TMEM132C: variants seen among roughly 807,000 people sequenced by gnomAD.
The protein encoded by TMEM132C is protein phosphatase 1, regulatory subunit 152.
TMEM132C carries 29 observed loss-of-function variants against 61.4 expected under a neutral mutation model. The observed-to-expected ratio is 0.47, with a 90% CI of 0.35 to 0.64. The LOEUF is 0.64. Ranked by LOEUF, TMEM132C falls within the 30% of genes least tolerant of loss-of-function variation. The pLI is 0.00. For synonymous variants in TMEM132C, 656 were observed against 633.1 expected (o/e 1.04, Z -0.54); for missense variants, 1,408 against 1,476.9 (o/e 0.95, Z 0.76).
chr12:128,392,405 G>GAAAA (rs1874797011), intron 1 of TMEM132C, among the ~76,000 whole-genome samples: 1 of 152,202 alleles, frequency 6.6e-6, no homozygotes, highest in Non-Finnish European at 1.5e-5. Flanking sequence ...TTGAGTGTGA[G>GAAAA]AGAGCCTGAC....
rs192008479 is a variant in TMEM132C at position 128,319,955 on chromosome 12, G to A, written c.85+52468G>A. Among the ~76,000 whole-genome samples the A allele has an allele frequency of 6.9e-3, 1,053 of 152,192 alleles. 13 individuals carry two copies. The highest frequency in any genetic ancestry group is 9.8e-3 in the Non-Finnish European group (669 of 68,014). ...GAGATCTTGGACATTTCCAGGTGAT[G>A]AAATTGTTGGCGGCAGTGTTTAGAA... On this transcript the variant is annotated intron_variant, in intron 1 of 8. Transcript: ENST00000435159.
intron 3 of TMEM132C, among the ~76,000 whole-genome samples, chr12:128,602,750 C>T (rs1876241801): frequency 1.3e-5 from 2 of 152,250 alleles, no homozygotes; most frequent in Non-Finnish European, 2.9e-5. Flanking sequence ...TGTCCCACTG[C>T]TTTCCATACC....
chr12:128,390,553 C>A (rs1270110170), intron 1 of TMEM132C, among the ~76,000 whole-genome samples: 1 of 152,186 alleles, frequency 6.6e-6, no homozygotes, highest in Non-Finnish European at 1.5e-5. Flanking sequence ...GGCTTACTAT[C>A]AGCCGACTGG....
chr12:128,484,728 G>A lies in TMEM132C; in HGVS notation c.975-59229G>A, dbSNP rs538968399. On this transcript the variant is annotated intron_variant, in intron 2 of 8. Coordinates refer to ENST00000435159, the MANE Select transcript of TMEM132C (RefSeq NM_001136103.3). Reference sequence around the variant, plus strand: ...TCTCAGCACTTTGGGAGGCCAAGGCGGGAAGATTGCTTGAGCCCAGGAGTT... The same window carrying A: ...TCTCAGCACTTTGGGAGGCCAAGGCAGGAAGATTGCTTGAGCCCAGGAGTT... Among the ~76,000 whole-genome samples the A allele has an allele frequency of 3.3e-5, 5 of 152,230 alleles. No individual in the cohort carries two copies. In the South Asian group the frequency reaches 8.3e-4, roughly 25 times the overall value.
chr12:128,536,650 A>G (rs1339575596), intron 2 of TMEM132C, among the ~76,000 whole-genome samples: 1 of 152,186 alleles, frequency 6.6e-6, no homozygotes, highest in African/African-American at 2.4e-5. Context: ...GTGTTCCCGC[A>G]TGGGGACCCC....
At chr12:128,377,658 C>T (rs1874238131) in intron 1 of TMEM132C, among the ~76,000 whole-genome samples, 1 of 152,104 alleles carries the variant, frequency 6.6e-6, no homozygotes, top group Non-Finnish European at 1.5e-5. Context: ...AGGTGTGTGT[C>T]CTGATGGTGA....
At chr12:128,311,908 C>A (rs1328594211) in intron 1 of TMEM132C, among the ~76,000 whole-genome samples, 1 of 152,188 alleles carries the variant, frequency 6.6e-6, no homozygotes, top group East Asian at 1.9e-4. Context: ...AGAGACCACT[C>A]AAATTCAGAA....
intron 1 of TMEM132C, among the ~76,000 whole-genome samples, chr12:128,395,039 A>G (rs1441804717): frequency 6.6e-6 from 1 of 151,816 alleles, no homozygotes. Context: ...CTAAACATTT[A>G]TGTATATGTG....
At position 128,690,075 on chromosome 12, in the gene TMEM132C, C is replaced by T. The variant is rs566507267; in HGVS notation, c.1450-3754C>T. 5.3e-5 allele frequency among the ~76,000 whole-genome samples: 8 copies of T among 152,302 alleles called. 1 individual carries two copies. In the South Asian group the frequency reaches 6.2e-4, roughly 12 times the overall value. ...GAAGGTGCCAAAGCCTGAGTGATAA[C>T]GGAATATGGCAACTGACCATATGTG... On this transcript the variant is annotated intron_variant, in intron 5 of 8. Coordinates refer to ENST00000435159, the MANE Select transcript of TMEM132C (RefSeq NM_001136103.3).
intron 4 of TMEM132C, among the ~76,000 whole-genome samples, chr12:128,659,937 C>T (rs1160595269): frequency 6.6e-6 from 1 of 152,210 alleles, no homozygotes. Context: ...GGCTGGACCT[C>T]TCACTTGGGG....
intron 2 of TMEM132C, among the ~76,000 whole-genome samples, chr12:128,443,503 A>C (rs1439142058): frequency 6.6e-6 from 1 of 152,222 alleles, no homozygotes; most frequent in Non-Finnish European, 1.5e-5. Flanking sequence ...TTATGATACT[A>C]TTCTTCTAAT....
At chr12:128,365,388 ATAC>A (rs1873831154) in intron 1 of TMEM132C, among the ~76,000 whole-genome samples, 2 of 152,198 alleles carry the variant, frequency 1.3e-5, no homozygotes, top group South Asian at 4.1e-4. Context: ...CATTATCATT[ATAC>A]TATTAGATAT....
intron 3 of TMEM132C, among the ~76,000 whole-genome samples, chr12:128,580,054 C>T (rs1029734716): frequency 1.8e-4 from 28 of 152,142 alleles, no homozygotes; most frequent in African/African-American, 5.1e-4. Flanking sequence ...AGGTTCAAAC[C>T]CACCATGTGT....
chr12:128,289,632 A>C (rs1369073222), intron 1 of TMEM132C, among the ~76,000 whole-genome samples: 1 of 152,244 alleles, frequency 6.6e-6, no homozygotes, highest in Non-Finnish European at 1.5e-5. Flanking sequence ...CTTCAAAGAC[A>C]GAAAATTGCT....
intron 1 of TMEM132C, among the ~76,000 whole-genome samples, chr12:128,316,891 T>C (rs908544132): frequency 6.6e-6 from 1 of 152,184 alleles, no homozygotes; most frequent in African/African-American, 2.4e-5. Context: ...TGTTTATTTT[T>C]AAATAGTGTA....
chr12:128,458,547 C>T (rs1384507989), intron 2 of TMEM132C, among the ~76,000 whole-genome samples: 4 of 151,986 alleles, frequency 2.6e-5, no homozygotes, highest in Non-Finnish European at 4.4e-5. Context: ...CCCCTTTGCC[C>T]GGTGACTACC....
At chr12:128,484,502 C>T (rs546082279) in intron 2 of TMEM132C, among the ~76,000 whole-genome samples, 1 of 152,266 alleles carries the variant, frequency 6.6e-6, no homozygotes, top group Admixed American at 6.5e-5. Context: ...GGCCGAATCT[C>T]CCTCCAAGAC....
At chr12:128,430,972 G>A (rs1049273496) in intron 2 of TMEM132C, among the ~76,000 whole-genome samples, 11 of 152,174 alleles carry the variant, frequency 7.2e-5, no homozygotes, top group African/African-American at 2.4e-4. Context: ...TCAGTGAAAG[G>A]AAGGGTCCCA....
At chr12:128,268,368 G>A (rs1424346889) in intron 1 of TMEM132C, among the ~76,000 whole-genome samples, 2 of 152,222 alleles carry the variant, frequency 1.3e-5, no homozygotes, top group Non-Finnish European at 2.9e-5. Flanking sequence ...TGCGGCGGCG[G>A]GAAGGGCGGG....
Sources: allele counts gnomAD v4.1 joint callset (sites outside exome capture counted in the v4.1 genomes callset), GRCh38; gene constraint gnomAD v4.1.1; transcripts MANE v1.5; gene names NCBI Gene and HGNC (gene_info 2026-07-23, HGNC 2026-07-21).